The following KCNH1 variants were observed in gnomAD, a reference collection of about 807,000 sequenced individuals.
KCNH1 encodes the protein voltage-gated delayed rectifier potassium channel KCNH1.
In KCNH1, 27 loss-of-function variants were observed where a neutral mutation model predicts 69.2. That is an observed-to-expected ratio of 0.39 (90% CI 0.29 to 0.54). The LOEUF (loss-of-function observed/expected upper bound fraction) is 0.54. KCNH1 is among the 20% of genes least tolerant of loss of function. The pLI is 0.68. For synonymous variants in KCNH1, 456 were observed against 487.7 expected (o/e 0.93, Z 0.86); for missense variants, 798 against 1,261.6 (o/e 0.63, Z 5.57).
At chr1:211,012,286 T>A (rs1000473663) in intron 6 of KCNH1, among the ~76,000 whole-genome samples, 4 of 152,140 alleles carry the variant, frequency 2.6e-5, no homozygotes, top group Non-Finnish European at 5.9e-5. Context: ...CTGGTCAGCC[T>A]GCATCCTGGG....
chr1:210,918,659 G>C (rs1372650756), intron 7 of KCNH1, among the ~76,000 whole-genome samples: 2 of 152,124 alleles, frequency 1.3e-5, no homozygotes, highest in Non-Finnish European at 2.9e-5. Flanking sequence ...GTCCAATAAA[G>C]TTACTCCAAT....
At chr1:210,898,687 G>GC (rs1052802987) in intron 7 of KCNH1, among the ~76,000 whole-genome samples, 6 of 151,902 alleles carry the variant, frequency 3.9e-5, no homozygotes, top group African/African-American at 9.7e-5. Flanking sequence ...GCGGCGGGGG[G>GC]GGGTCCTGTC....
At position 211,133,960 on chromosome 1, in the gene KCNH1, G is replaced by A. The variant is rs746956101; in HGVS notation, c.-15C>T. 1 of 1,604,672 alleles carries A rather than the reference G, an allele frequency of 6.2e-7. No homozygotes were observed. Among genetic ancestry groups the A allele is most frequent in the Non-Finnish European group, 8.5e-7 (1 of 1,175,064 alleles). On this transcript the variant is annotated 5_prime_UTR_variant, in exon 1 of 11. Transcript: ENST00000271751. This position sits in a 1 kb window ranked among gnomAD's most constrained non-coding sequence, Gnocchi z 5.4. ...GCCATGGTCATCCTCCCAGCAGCTC[G>A]GGGTCCGGCGGGCGTCCTGGCGCGG...
At chr1:210,776,229 TC>T (rs777342521) in intron 9 of KCNH1, among the ~76,000 whole-genome samples, 6 of 152,136 alleles carry the variant, frequency 3.9e-5, no homozygotes, top group Non-Finnish European at 8.8e-5. Flanking sequence ...GGTGCCTCTT[TC>T]TCATCCTCTC....
chr1:210,716,595 T>C (rs1227845002), intron 10 of KCNH1, among the ~76,000 whole-genome samples: 1 of 152,220 alleles, frequency 6.6e-6, no homozygotes, highest in East Asian at 1.9e-4. Flanking sequence ...AATTGGGTTA[T>C]GTCCTTTAAC....
chr1:210,711,495 C>A (rs1047531714), intron 10 of KCNH1, among the ~76,000 whole-genome samples: 12 of 152,196 alleles, frequency 7.9e-5, no homozygotes, highest in African/African-American at 2.9e-4. Flanking sequence ...ATGCCAGCCT[C>A]TCTAGAGCCT....
At chr1:210,760,887 C>T (rs1683502304) in intron 10 of KCNH1, among the ~76,000 whole-genome samples, 1 of 152,170 alleles carries the variant, frequency 6.6e-6, no homozygotes, top group Non-Finnish European at 1.5e-5. Flanking sequence ...TCCCAAAACA[C>T]ATGGGAATTC....
intron 7 of KCNH1, among the ~76,000 whole-genome samples, chr1:210,806,836 A>AAAAATATATATATATAT (rs1553346591): frequency 1.3e-4 from 11 of 85,598 alleles, no homozygotes; most frequent in Non-Finnish European, 1.7e-4. Flanking sequence ...AAAAAAAAAA[A>AAAAATATATATATATAT]ATATATATAT....
In KCNH1 at chr1:210,928,159, C is replaced by A. The variant is rs1232849637; in HGVS notation, c.1033-8090G>T. ...GACAACACTAGATAGGTCATCAAGA[C>A]AGAAAGTCAACAAAGAAACAAACTT... On this transcript the variant is annotated intron_variant, in intron 6 of 10. Transcript: ENST00000271751. Among the ~76,000 whole-genome samples, 6 of 152,170 alleles carry A rather than the reference C, an allele frequency of 3.9e-5. 1 individual carries two copies. The South Asian group carries it at 1.2e-3, about 32-fold the overall frequency.
chr1:210,790,507 T>C (rs1483743780), intron 9 of KCNH1, among the ~76,000 whole-genome samples: 11 of 152,202 alleles, frequency 7.2e-5, no homozygotes, highest in African/African-American at 1.9e-4. Context: ...CCAACTACAG[T>C]TGGCAGATTT....
At chr1:210,991,603 C>CCACACACA (rs67518284) in intron 6 of KCNH1, among the ~76,000 whole-genome samples, 4,081 of 148,376 alleles carry the variant, frequency 0.028, 102 homozygotes, top group African/African-American at 0.067. Flanking sequence ...TCTGTTCTTG[C>CCACACACA]CACACACACA....
chr1:210,854,726 G>A (rs1322458104), intron 7 of KCNH1, among the ~76,000 whole-genome samples: 1 of 152,172 alleles, frequency 6.6e-6, no homozygotes, highest in African/African-American at 2.4e-5. Context: ...GGTGTCTGTT[G>A]ATTTTTAGGA....
At chr1:210,940,399 G>A (rs1251435966) in intron 6 of KCNH1, among the ~76,000 whole-genome samples, 1 of 152,200 alleles carries the variant, frequency 6.6e-6, no homozygotes, top group Non-Finnish European at 1.5e-5. Context: ...TGTGCATCAA[G>A]AAGATTTTCT....
At chr1:210,990,890 A>G (rs1571557643) in intron 6 of KCNH1, among the ~76,000 whole-genome samples, 1 of 152,196 alleles carries the variant, frequency 6.6e-6, no homozygotes, top group Non-Finnish European at 1.5e-5. Flanking sequence ...AGGCATTATA[A>G]TACAGAGTTT....
In KCNH1 at chr1:210,988,458, A is replaced by T. The variant is rs114304073; in HGVS notation, c.1032+30325T>A. On this transcript the variant is annotated intron_variant, in intron 6 of 10. Transcript: ENST00000271751. ...ATGCGAGAATACTTAAAGCTTTATT[A>T]TTGCAAGATATGCTGAGAACCGTTT... 8.2e-3 allele frequency among the ~76,000 whole-genome samples: 1,245 copies of T among 152,238 alleles called. 19 individuals carry two copies. Among genetic ancestry groups the T allele is most frequent in the African/African-American group, 0.028 (1,155 of 41,568 alleles).
At chr1:210,830,633 A>G (rs1343697488) in intron 7 of KCNH1, among the ~76,000 whole-genome samples, 5 of 152,220 alleles carry the variant, frequency 3.3e-5, no homozygotes. Flanking sequence ...CAAAGGCAAA[A>G]GAAAAATTTT....
chr1:210,846,639 A>C (rs1051193715), intron 7 of KCNH1, among the ~76,000 whole-genome samples: 126 of 152,284 alleles, frequency 8.3e-4, no homozygotes, highest in African/African-American at 2.7e-3. Context: ...AGAAGAAAAC[A>C]TAGGCATTAC....
At chr1:210,856,657 C>T (rs1685844090) in intron 7 of KCNH1, among the ~76,000 whole-genome samples, 1 of 150,700 alleles carries the variant, frequency 6.6e-6, no homozygotes, top group Non-Finnish European at 1.5e-5. Flanking sequence ...CCAGAGAGTA[C>T]CCCCTCATCC....
At chr1:210,777,324 C>A (rs1683881230) in intron 9 of KCNH1, among the ~76,000 whole-genome samples, 1 of 152,202 alleles carries the variant, frequency 6.6e-6, no homozygotes, top group South Asian at 2.1e-4. Flanking sequence ...CATTACTTCA[C>A]AATTCTCTAT....
Sources: gnomAD v4.1 joint callset for allele counts (sites outside exome capture counted in the v4.1 genomes callset) on GRCh38, gnomAD v4.1.1 for gene constraint, Gnocchi (gnomAD v3.1) non-coding constraint, MANE v1.5 for transcripts, NCBI Gene and HGNC (gene_info 2026-07-23, HGNC 2026-07-21) for gene names.